CADM2: variants seen among roughly 807,000 people sequenced by gnomAD.
CADM2 encodes the protein immunoglobulin superfamily member 4D.
A neutral mutation model predicts 49.8 loss-of-function variants in CADM2; 12 were observed. That is an observed-to-expected ratio of 0.24 (90% CI 0.15 to 0.39). The LOEUF is 0.39. CADM2 is among the 10% of genes least tolerant of loss of function. The probability of loss-of-function intolerance (pLI) is 1.00; values close to 1 mark genes in which losing one functional copy is unlikely to be tolerated. For synonymous variants in CADM2, 214 were observed against 175.4 expected, an observed-to-expected ratio of 1.22 and a Z score of -1.74; for missense variants, 378 against 492.3, an observed-to-expected ratio of 0.77 and a Z score of 2.20.
At chr3:85,156,496 CA>C (rs2040127720) in intron 1 of CADM2, among the ~76,000 whole-genome samples, 1 of 151,944 alleles carries the variant, frequency 6.6e-6, no homozygotes. Flanking sequence ...GCTTACCAAC[CA>C]AAAAGAGTCC....
At chr3:85,514,207 C>T (rs764205076) in intron 1 of CADM2, among the ~76,000 whole-genome samples, 3 of 151,916 alleles carry the variant, frequency 2.0e-5, no homozygotes, top group Admixed American at 6.6e-5. Context: ...CTATGTTCGT[C>T]ATTGTATTTT....
intron 1 of CADM2, among the ~76,000 whole-genome samples, chr3:84,985,138 G>T (rs373159256): frequency 2.6e-5 from 4 of 152,192 alleles, no homozygotes; most frequent in East Asian, 1.9e-4. Flanking sequence ...TATAACTCTG[G>T]TATTTAACTG....
intron 1 of CADM2, among the ~76,000 whole-genome samples, chr3:85,404,399 G>A (rs2035271816): frequency 6.6e-6 from 1 of 151,994 alleles, no homozygotes; most frequent in South Asian, 2.1e-4. Flanking sequence ...CAAATGAAAG[G>A]ATGATTGGGT....
At chr3:86,051,475 C>T (rs182377473) in intron 8 of CADM2, among the ~76,000 whole-genome samples, 4 of 152,300 alleles carry the variant, frequency 2.6e-5, no homozygotes, top group Non-Finnish European at 5.9e-5. Context: ...TTACCAAGTT[C>T]CAAAGTCGTT....
chr3:85,701,467 C>T (rs563176804), intron 1 of CADM2, among the ~76,000 whole-genome samples: 1 of 148,374 alleles, frequency 6.7e-6, no homozygotes, highest in East Asian at 2.0e-4. Flanking sequence ...GCAATATGCT[C>T]TTATTAGGCT....
rs149673335 is a variant in CADM2 at position 85,399,391 on chromosome 3, A to T, written c.62-327131A>T. ...GTACCATGCTGTAGCCTTTTAGTAT[A>T]GTTTGAAGTCAGGTAGTGTGATGCC... On this transcript the variant is annotated intron_variant, in intron 1 of 9. Transcript: ENST00000383699. 3.3e-3 allele frequency among the ~76,000 whole-genome samples: 509 copies of T among 152,138 alleles called. 4 individuals are homozygous for T. The highest frequency in any genetic ancestry group is 0.012 in the African/African-American group (490 of 41,512).
intron 1 of CADM2, among the ~76,000 whole-genome samples, chr3:85,447,816 C>G (rs1026030179): frequency 3.3e-5 from 5 of 152,058 alleles, no homozygotes; most frequent in Non-Finnish European, 4.4e-5. Context: ...TTTTCCATCT[C>G]TATGCAATTC....
At chr3:85,868,759 T>C (rs1206582469) in intron 3 of CADM2, among the ~76,000 whole-genome samples, 1 of 152,118 alleles carries the variant, frequency 6.6e-6, no homozygotes, top group Non-Finnish European at 1.5e-5. Flanking sequence ...ATCTTTCCCT[T>C]CTCTTGTATG....
chr3:85,547,953 C>A (rs1029015426), intron 1 of CADM2, among the ~76,000 whole-genome samples: 1 of 152,008 alleles, frequency 6.6e-6, no homozygotes, highest in Non-Finnish European at 1.5e-5. Flanking sequence ...GACTGCTGAA[C>A]CTTAGGTGGA....
intron 1 of CADM2, among the ~76,000 whole-genome samples, chr3:85,562,031 A>G (rs1328002180): frequency 6.6e-6 from 1 of 152,132 alleles, no homozygotes; most frequent in African/African-American, 2.4e-5. Flanking sequence ...AGGTCCAGCA[A>G]AGTTAAAGAA....
At chr3:85,311,231 C>T (rs2044334296) in intron 1 of CADM2, among the ~76,000 whole-genome samples, 1 of 152,000 alleles carries the variant, frequency 6.6e-6, no homozygotes, top group Non-Finnish European at 1.5e-5. Flanking sequence ...AAAATCTATA[C>T]ATTAGCTAGA....
intron 1 of CADM2, among the ~76,000 whole-genome samples, chr3:85,366,047 C>A (rs974051303): frequency 1.3e-5 from 2 of 152,120 alleles, no homozygotes; most frequent in African/African-American, 4.8e-5. Flanking sequence ...TAAGTGAAGT[C>A]TTCTTAGAAG....
chr3:85,182,294 GATAATAA>G (rs1364760904), intron 1 of CADM2, among the ~76,000 whole-genome samples: 1 of 152,004 alleles, frequency 6.6e-6, no homozygotes, highest in Non-Finnish European at 1.5e-5. Flanking sequence ...TCTGGAAAGG[GATAATAA>G]ATTTACATTT....
At chr3:85,080,429 C>A (rs536358626) in intron 1 of CADM2, among the ~76,000 whole-genome samples, 1 of 152,090 alleles carries the variant, frequency 6.6e-6, no homozygotes, top group African/African-American at 2.4e-5. Flanking sequence ...CTGAATATCT[C>A]AGTCCAGACA....
chr3:85,268,120 AAAGAATTCCTGAGG>A (rs2106831990), intron 1 of CADM2, among the ~76,000 whole-genome samples: 1 of 151,656 alleles, frequency 6.6e-6, no homozygotes, highest in East Asian at 1.9e-4. Flanking sequence ...GATATCAGGG[AAAGAATTCCTGAGG>A]AAGTGACAAT....
chr3:85,684,061 C>T (rs190982626), intron 1 of CADM2, among the ~76,000 whole-genome samples: 35 of 152,256 alleles, frequency 2.3e-4, no homozygotes, highest in Non-Finnish European at 3.4e-4. Flanking sequence ...ATTGGTGGAT[C>T]AGAAGTATCA....
At chr3:85,550,330 G>C (rs934034994) in intron 1 of CADM2, among the ~76,000 whole-genome samples, 10 of 152,130 alleles carry the variant, frequency 6.6e-5, no homozygotes, top group African/African-American at 1.9e-4. Flanking sequence ...TTTGATATGG[G>C]GGAGAGATTC....
chr3:85,757,374 G>T (rs975968342), intron 2 of CADM2, among the ~76,000 whole-genome samples: 3 of 152,022 alleles, frequency 2.0e-5, no homozygotes, highest in South Asian at 2.1e-4. Context: ...AAGAAACATG[G>T]CTCATGTACT....
At chr3:85,650,973 G>A (rs1350601193) in intron 1 of CADM2, among the ~76,000 whole-genome samples, 8 of 147,972 alleles carry the variant, frequency 5.4e-5, no homozygotes, top group Non-Finnish European at 1.0e-4. Flanking sequence ...TTCAAATTGC[G>A]CCTTCATTTC....
Sources: gnomAD v4.1 joint callset for allele counts (sites outside exome capture counted in the v4.1 genomes callset) on GRCh38, gnomAD v4.1.1 for gene constraint, MANE v1.5 for transcripts, NCBI Gene and HGNC (gene_info 2026-07-23, HGNC 2026-07-21) for gene names.